The following MRPS18A variants were observed in gnomAD, a reference collection of about 807,000 sequenced individuals.
MRPS18A encodes the protein mitochondrial ribosomal protein S18A.
Under a neutral mutation model 22.7 loss-of-function variants are expected in MRPS18A, and 20 were observed. The observed-to-expected ratio is 0.88, with a 90% CI of 0.62 to 1.28. The LOEUF (loss-of-function observed/expected upper bound fraction) is 1.28. Among genes scored for constraint, MRPS18A ranks in the 50% most tolerant of loss-of-function variants. The pLI is 0.00. For synonymous variants in MRPS18A, 106 were observed against 99.1 expected, an observed-to-expected ratio of 1.07 and a Z score of -0.41; for missense variants, 294 against 262.6, an observed-to-expected ratio of 1.12 and a Z score of -0.83.
chr6:43,671,284 C>T lies in MRPS18A; in HGVS notation c.*478G>A. 2.1e-6 allele frequency: 1 copy of T among 475,358 alleles called. No homozygotes were observed. The highest frequency in any genetic ancestry group is 3.8e-6 in the Non-Finnish European group (1 of 261,144). The allele number at this position is 475,358 out of a possible 1,614,324, so 29.4% of individuals were successfully genotyped here. A position where few individuals can be genotyped will look rare whatever the true frequency, so the allele number is the denominator to read the frequency against. On this transcript the variant is annotated 3_prime_UTR_variant, in exon 6 of 6. Coordinates refer to ENST00000372133, the MANE Select transcript of MRPS18A (RefSeq NM_018135.4). ...ACCTTGGCTCCCTGCAGCTCTCCCA[C>T]AGTAAGGAGCTCACAGCTGTCATGA...
At chr6:43,681,698 A>G (rs1218676991) in intron 1 of MRPS18A, among the ~76,000 whole-genome samples, 1 of 152,200 alleles carries the variant, frequency 6.6e-6, no homozygotes, top group African/African-American at 2.4e-5. Flanking sequence ...GCAGGGTTGC[A>G]TTTTATTATC....
intron 3 of MRPS18A, 84 bp from the exon 4 acceptor site, chr6:43,675,701 G>C: frequency 6.7e-7 from 1 of 1,484,840 alleles, no homozygotes; most frequent in Admixed American, 2.1e-5. Context: ...GTCTACAGGG[G>C]AGGCTGATAT....
chr6:43,679,917 A>C (rs1164112798), intron 2 of MRPS18A, among the ~76,000 whole-genome samples: 1 of 152,156 alleles, frequency 6.6e-6, no homozygotes, highest in Admixed American at 6.5e-5. Context: ...CTCAGTGCTA[A>C]GAATGGTTCA....
chr6:43,680,166 T>C (rs1027318969), intron 2 of MRPS18A, among the ~76,000 whole-genome samples: 1 of 152,110 alleles, frequency 6.6e-6, no homozygotes, highest in Non-Finnish European at 1.5e-5. Context: ...ATTTCTCTCC[T>C]CCAGCATGGA....
At chr6:43,683,252 A>G (rs1774512000) in intron 1 of MRPS18A, among the ~76,000 whole-genome samples, 1 of 152,160 alleles carries the variant, frequency 6.6e-6, no homozygotes, top group South Asian at 2.1e-4. Context: ...CAGTGGGTAA[A>G]ACAATAGGCA....
At chr6:43,675,644 A>AG in intron 3 of MRPS18A, 27 bp from the exon 4 acceptor site, 3 of 1,583,312 alleles carry the variant, frequency 1.9e-6, no homozygotes, top group Non-Finnish European at 2.6e-6. Context: ...ATAGGGGATG[A>AG]GGGTCAGCTG....
intron 2 of MRPS18A, among the ~76,000 whole-genome samples, chr6:43,680,165 C>T (rs1774310520): frequency 6.6e-6 from 1 of 152,208 alleles, no homozygotes; most frequent in South Asian, 2.1e-4. Context: ...TATTTCTCTC[C>T]TCCAGCATGG....
intron 2 of MRPS18A, among the ~76,000 whole-genome samples, chr6:43,680,243 G>A (rs774957838): frequency 7.9e-5 from 12 of 152,058 alleles, no homozygotes; most frequent in Non-Finnish European, 1.5e-4. Flanking sequence ...AAGGGGATTG[G>A]GGGGGGTCCC....
At chr6:43,681,152 G>T in intron 1 of MRPS18A, 32 bp from the exon 2 acceptor site, 6 of 1,604,830 alleles carry the variant, frequency 3.7e-6, no homozygotes, top group Non-Finnish European at 5.1e-6. Flanking sequence ...CATTAGGTCA[G>T]CCATTTAATA....
intron 3 of MRPS18A, among the ~76,000 whole-genome samples, chr6:43,677,804 G>GT (rs1774142757): frequency 6.6e-6 from 1 of 152,110 alleles, no homozygotes; most frequent in Non-Finnish European, 1.5e-5. Context: ...ATTAAAACAG[G>GT]TAAGTACTCA....
intron 3 of MRPS18A, among the ~76,000 whole-genome samples, chr6:43,676,208 C>T (rs1774046200): frequency 6.6e-6 from 1 of 152,192 alleles, no homozygotes; most frequent in Non-Finnish European, 1.5e-5. Context: ...CAAGAAGGGT[C>T]ACCAATCTTT....
chr6:43,687,440 G>A (rs2127956805), intron 1 of MRPS18A, among the ~76,000 whole-genome samples: 1 of 152,312 alleles, frequency 6.6e-6, no homozygotes, highest in South Asian at 2.1e-4. Context: ...TAAGTAAGCA[G>A]GCTTTTCTCT....
chr6:43,678,800 G>A (rs1362842596), intron 2 of MRPS18A, among the ~76,000 whole-genome samples, 175 bp from the exon 3 acceptor site: 1 of 152,174 alleles, frequency 6.6e-6, no homozygotes, highest in Non-Finnish European at 1.5e-5. Flanking sequence ...TGTAGTTGCC[G>A]TATGCTAGGC....
chr6:43,679,387 G>C (rs1185567638), intron 2 of MRPS18A, among the ~76,000 whole-genome samples: 1 of 152,170 alleles, frequency 6.6e-6, no homozygotes, highest in African/African-American at 2.4e-5. Context: ...CTTTACAAAA[G>C]AAAGAAAAAA....
Position 43,675,289 on chromosome 6 carries a change from G to GT in MRPS18A, c.377-19_377-18insA. On this transcript the variant is annotated intron_variant, in intron 4 of 5. Coordinates refer to ENST00000372133, the MANE Select transcript of MRPS18A (RefSeq NM_018135.4). ...TAATAGACCTGAGTGGCGGGGAAGAGGGGATAGTCTTTGCAGCTCCCTCTG... is the reference window on the plus strand; with the variant it reads ...TAATAGACCTGAGTGGCGGGGAAGAGTGGGATAGTCTTTGCAGCTCCCTCTG... 6.5e-7 allele frequency: 1 copy of GT among 1,539,414 alleles called. No individual in the cohort carries two copies. The highest frequency in any genetic ancestry group is 2.3e-5 in the East Asian group (1 of 44,198).
intron 1 of MRPS18A, among the ~76,000 whole-genome samples, chr6:43,685,706 A>G (rs1774660768): frequency 6.6e-6 from 1 of 152,228 alleles, no homozygotes; most frequent in South Asian, 2.1e-4. Context: ...TCTTTCCCAC[A>G]ACTTTAAATT....
intron 1 of MRPS18A, among the ~76,000 whole-genome samples, chr6:43,685,978 T>A (rs1412746505): frequency 6.6e-6 from 1 of 152,212 alleles, no homozygotes; most frequent in Non-Finnish European, 1.5e-5. Context: ...TTTTTTACTT[T>A]TTTTAAAGAG....
rs201797896 is a variant in MRPS18A at position 43,675,276 on chromosome 6, G to A, written c.377-5C>T. On this transcript the variant is annotated splice_region_variant and splice_polypyrimidine_tract_variant and intron_variant, in intron 4 of 5. Coordinates refer to ENST00000372133, the MANE Select transcript of MRPS18A (RefSeq NM_018135.4). Reference sequence around the variant, plus strand: ...GCCTGTGATTTGGTAATAGACCTGAGTGGCGGGGAAGAGGGGATAGTCTTT... The same window carrying A: ...GCCTGTGATTTGGTAATAGACCTGAATGGCGGGGAAGAGGGGATAGTCTTT... 567 of 1,535,142 alleles carry A rather than the reference G, an allele frequency of 3.7e-4. 1 individual carries two copies. Among genetic ancestry groups the A allele is most frequent in the Non-Finnish European group, 4.8e-4 (544 of 1,141,020 alleles).
intron 3 of MRPS18A, among the ~76,000 whole-genome samples, chr6:43,677,647 C>T (rs1004465212): frequency 3.3e-5 from 5 of 152,122 alleles, no homozygotes; most frequent in African/African-American, 4.8e-5. Context: ...CCTGGGCTTT[C>T]GTCCCTGGAG....
Sources: gnomAD v4.1 joint callset for allele counts (sites outside exome capture counted in the v4.1 genomes callset) on GRCh38, gnomAD v4.1.1 for gene constraint, MANE v1.5 for transcripts, NCBI Gene and HGNC (gene_info 2026-07-23, HGNC 2026-07-21) for gene names.